Variants in ANTXR2 observed in about 807,000 individuals in gnomAD.
ANTXR2 encodes anthrax toxin receptor 2.
In ANTXR2, 44 loss-of-function variants were observed where a neutral mutation model predicts 73.7. The ratio of observed to expected loss-of-function variants is 0.60; its 90% CI spans 0.47 to 0.77. The LOEUF is 0.77. Ranked by LOEUF, ANTXR2 falls within the 30% of genes least tolerant of loss-of-function variation. The probability of loss-of-function intolerance (pLI) is 0.00; values close to 1 mark genes in which losing one functional copy is unlikely to be tolerated. For synonymous variants in ANTXR2, 217 were observed against 205.9 expected (o/e 1.05, Z -0.46); for missense variants, 604 against 592.5 (o/e 1.02, Z -0.20).
chr4:79,909,213 G>A (rs955398788), intron 16 of ANTXR2, among the ~76,000 whole-genome samples: 2 of 152,086 alleles, frequency 1.3e-5, no homozygotes, highest in African/African-American at 4.8e-5. Context: ...TGTATTTGTA[G>A]ACCAAAAAGT....
At chr4:79,958,507 C>T (rs1389988445) in intron 16 of ANTXR2, among the ~76,000 whole-genome samples, 1 of 152,038 alleles carries the variant, frequency 6.6e-6, no homozygotes, top group Non-Finnish European at 1.5e-5. Flanking sequence ...CCCTTTTTCT[C>T]CAATGTAACA....
intron 16 of ANTXR2, among the ~76,000 whole-genome samples, chr4:79,920,653 G>A (rs987777164): frequency 5.9e-5 from 9 of 152,090 alleles, no homozygotes; most frequent in Admixed American, 1.3e-4. Context: ...TAATGTGGCA[G>A]GAACACAGTG....
At chr4:79,922,978 A>C (rs747567009) in intron 16 of ANTXR2, among the ~76,000 whole-genome samples, 3 of 152,146 alleles carry the variant, frequency 2.0e-5, no homozygotes, top group Non-Finnish European at 4.4e-5. Flanking sequence ...TTTAGCAAAC[A>C]AATCTAATTT....
intron 9 of ANTXR2, among the ~76,000 whole-genome samples, chr4:80,032,775 G>A (rs1293464448): frequency 6.6e-6 from 1 of 151,698 alleles, no homozygotes; most frequent in South Asian, 2.1e-4. Context: ...GAAAACTAAG[G>A]TCTATTTAAG....
At chr4:79,996,765 G>C (rs1166644359) in intron 12 of ANTXR2, among the ~76,000 whole-genome samples, 1 of 151,844 alleles carries the variant, frequency 6.6e-6, no homozygotes, top group Non-Finnish European at 1.5e-5. Context: ...ATATCAAATA[G>C]TGCAAGAATA....
At chr4:79,986,643 C>T (rs915971289) in intron 12 of ANTXR2, among the ~76,000 whole-genome samples, 3 of 152,154 alleles carry the variant, frequency 2.0e-5, no homozygotes, top group South Asian at 2.1e-4. Flanking sequence ...CACCTCACAC[C>T]ATCGCCCCAC....
intron 11 of ANTXR2, among the ~76,000 whole-genome samples, chr4:80,011,229 A>G (rs1731558920): frequency 6.6e-6 from 1 of 152,066 alleles, no homozygotes; most frequent in East Asian, 1.9e-4. Context: ...TATAAGCCAA[A>G]CATGATGGGA....
chr4:79,920,589 G>A (rs1727556186), intron 16 of ANTXR2, among the ~76,000 whole-genome samples: 1 of 152,020 alleles, frequency 6.6e-6, no homozygotes, highest in South Asian at 2.1e-4. Context: ...AACCAGCAAG[G>A]GCAAAGGCTG....
intron 16 of ANTXR2, among the ~76,000 whole-genome samples, chr4:79,913,317 C>G (rs2109931967): frequency 6.6e-6 from 1 of 152,254 alleles, no homozygotes; most frequent in South Asian, 2.1e-4. Flanking sequence ...AATCCACCAT[C>G]AGCATTTTCT....
intron 3 of ANTXR2, 47 bp from the exon 4 acceptor site, chr4:80,056,060 T>C (rs1733982240): frequency 2.3e-6 from 3 of 1,329,588 alleles, no homozygotes; most frequent in Non-Finnish European, 2.0e-6. Context: ...AGAGCAAAGG[T>C]AACAATAAAC....
In ANTXR2 at chr4:79,946,699, A is replaced by G. The variant is rs536978789; in HGVS notation, c.1428+30922T>C. Reference sequence around the variant, plus strand: ...TACCCACTACAGTTATATTGTATCAATTCGAGAAAATCAAAACACTTTTAA... The same window carrying G: ...TACCCACTACAGTTATATTGTATCAGTTCGAGAAAATCAAAACACTTTTAA... On this transcript the variant is annotated intron_variant, in intron 16 of 16. Transcript: ENST00000403729. 6.6e-5 allele frequency among the ~76,000 whole-genome samples: 10 copies of G among 152,300 alleles called. No individual in the cohort carries two copies. The South Asian group carries it at 1.9e-3, about 28-fold the overall frequency.
chr4:79,964,277 G>T, intron 16 of ANTXR2, among the ~76,000 whole-genome samples: 1 of 152,170 alleles, frequency 6.6e-6, no homozygotes, highest in East Asian at 1.9e-4. Flanking sequence ...TTCTTTCTTT[G>T]CCTTTCTGCT....
At chr4:79,925,623 A>G (rs543463694) in intron 16 of ANTXR2, among the ~76,000 whole-genome samples, 28 of 152,060 alleles carry the variant, frequency 1.8e-4, no homozygotes, top group Non-Finnish European at 3.5e-4. Context: ...TGCAAAATTT[A>G]TTTCCAGTTT....
intron 16 of ANTXR2, among the ~76,000 whole-genome samples, chr4:79,953,628 G>A (rs1414234999): frequency 6.6e-6 from 1 of 151,926 alleles, no homozygotes; most frequent in Non-Finnish European, 1.5e-5. Context: ...GGTTAGAAAT[G>A]ACAATCAATT....
chr4:79,978,742 G>A (rs1164199658), intron 14 of ANTXR2, among the ~76,000 whole-genome samples: 1 of 152,170 alleles, frequency 6.6e-6, no homozygotes, highest in Non-Finnish European at 1.5e-5. Flanking sequence ...GCAGGGATTC[G>A]AACATGGATT....
At chr4:79,960,361 A>C (rs1451531606) in intron 16 of ANTXR2, among the ~76,000 whole-genome samples, 2 of 152,154 alleles carry the variant, frequency 1.3e-5, no homozygotes, top group Non-Finnish European at 2.9e-5. Context: ...GCTTACTAAG[A>C]AGCATTATGG....
intron 7 of ANTXR2, among the ~76,000 whole-genome samples, chr4:80,043,115 G>T (rs1187142521): frequency 6.6e-6 from 1 of 151,980 alleles, no homozygotes; most frequent in South Asian, 2.1e-4. Flanking sequence ...GGTACAATGT[G>T]TCTTATTCCA....
intron 3 of ANTXR2, among the ~76,000 whole-genome samples, chr4:80,056,971 T>A (rs777043795): frequency 1.3e-5 from 2 of 151,948 alleles, no homozygotes; most frequent in Non-Finnish European, 2.9e-5. Flanking sequence ...ACTTGTTTTA[T>A]AATAAATTTA....
At chr4:79,919,163 C>G (rs1385843758) in intron 16 of ANTXR2, among the ~76,000 whole-genome samples, 1 of 151,964 alleles carries the variant, frequency 6.6e-6, no homozygotes, top group African/African-American at 2.4e-5. Flanking sequence ...ATACAGTAAA[C>G]TTAAGAACTG....
Sources: allele counts gnomAD v4.1 joint callset (sites outside exome capture counted in the v4.1 genomes callset), GRCh38; gene constraint gnomAD v4.1.1; transcripts MANE v1.5; gene names NCBI Gene and HGNC (gene_info 2026-07-23, HGNC 2026-07-21).